ANKRD28: variants seen among roughly 807,000 people sequenced by gnomAD.
The protein encoded by ANKRD28 is ankyrin repeat domain 28.
ANKRD28 carries 44 observed loss-of-function variants against 126.5 expected under a neutral mutation model. That is an observed-to-expected ratio of 0.35 (90% CI 0.27 to 0.45). ANKRD28 has a LOEUF of 0.45. Among genes scored for constraint, ANKRD28 ranks in the 20% least tolerant of loss-of-function variants. The pLI is 1.00. For synonymous variants in ANKRD28, 442 were observed against 468.5 expected (o/e 0.94, Z 0.73); for missense variants, 1,110 against 1,316.6 (o/e 0.84, Z 2.43).
At chr3:15,758,174 C>A (rs745612600) in intron 3 of ANKRD28, among the ~76,000 whole-genome samples, 9 of 152,192 alleles carry the variant, frequency 5.9e-5, no homozygotes, top group Non-Finnish European at 1.0e-4. Flanking sequence ...TTCTTCCTTG[C>A]TCCTAAATCA....
intron 1 of ANKRD28, among the ~76,000 whole-genome samples, chr3:15,822,090 G>A (rs539950141): frequency 1.3e-3 from 195 of 152,282 alleles, no homozygotes; most frequent in African/African-American, 4.1e-3. Flanking sequence ...AAACCTAGAG[G>A]CCACATGCGT....
intron 14 of ANKRD28, among the ~76,000 whole-genome samples, chr3:15,705,658 A>C (rs2071252303): frequency 6.6e-6 from 1 of 152,204 alleles, no homozygotes; most frequent in African/African-American, 2.4e-5. Context: ...CTATCTAAAA[A>C]CATACTTTAT....
At chr3:15,700,892 C>T (rs2070486177) in intron 14 of ANKRD28, among the ~76,000 whole-genome samples, 1 of 152,176 alleles carries the variant, frequency 6.6e-6, no homozygotes, top group South Asian at 2.1e-4. Flanking sequence ...GAAATAGCCT[C>T]TGTTTATTCA....
chr3:15,709,900 A>G (rs9861740), intron 12 of ANKRD28, among the ~76,000 whole-genome samples, 164 bp from the exon 13 acceptor site: 6,339 of 152,284 alleles, frequency 0.042, 428 homozygotes, highest in African/African-American at 0.14. Flanking sequence ...CATCTTATCT[A>G]GAATTTAGAA....
rs12493140 is a variant in ANKRD28, at chr3:15,816,083, G to A, written c.28-20777C>T. 0.14 allele frequency among the ~76,000 whole-genome samples: 20,870 copies of A among 152,114 alleles called. 2,159 individuals carry two copies. The highest frequency in any genetic ancestry group is 0.58 in the East Asian group (3,008 of 5,170). ...ATCACGAGCGTATTTCTGACTGATT[G>A]AAAACCGCCTTCTGTTACTATGGCA... is the stretch of plus-strand genomic sequence containing the variant. On this transcript the variant is annotated intron_variant, in intron 1 of 27. Transcript: ENST00000399451. The surrounding 1 kb of genome is among the most constrained non-coding windows in gnomAD (Gnocchi z 5.0).
At chr3:15,692,144 T>TAAAAA (rs908039642) in intron 17 of ANKRD28, among the ~76,000 whole-genome samples, 89 of 96,226 alleles carry the variant, frequency 9.2e-4, no homozygotes, top group Admixed American at 1.8e-3. Context: ...TATCTCTAAA[T>TAAAAA]AAAAAAAAAA....
intron 3 of ANKRD28, among the ~76,000 whole-genome samples, chr3:15,760,661 A>G (rs1415035091): frequency 6.6e-6 from 1 of 152,226 alleles, no homozygotes; most frequent in Admixed American, 6.5e-5. Flanking sequence ...GGAGACCTCA[A>G]AGAAAAGTTA....
intron 7 of ANKRD28, among the ~76,000 whole-genome samples, chr3:15,724,133 G>A (rs983050867): frequency 2.6e-5 from 4 of 152,292 alleles, no homozygotes; most frequent in Admixed American, 1.3e-4. Flanking sequence ...GGCCTGGAAC[G>A]TGATATAGAA....
rs958482921 is a variant in ANKRD28, at chr3:15,692,929, A to G, written c.1761+1810T>C. Among the ~76,000 whole-genome samples the G allele has an allele frequency of 4.6e-5, 7 of 152,196 alleles. 1 individual carries two copies. The highest frequency in any genetic ancestry group is 3.9e-4 in the Admixed American group (6 of 15,276). ...ATACATAACAATAATTATTCAGCTT[A>G]AAAATAAGGAAATTCAGCCACATGC... On this transcript the variant is annotated intron_variant, in intron 17 of 27. Coordinates refer to ENST00000683139, the MANE Select transcript of ANKRD28 (RefSeq NM_001349278.2).
At chr3:15,714,007 T>C (rs1575332881) in intron 9 of ANKRD28, among the ~76,000 whole-genome samples, 3 of 152,154 alleles carry the variant, frequency 2.0e-5, no homozygotes, top group South Asian at 2.1e-4. Context: ...TCAAAAAATA[T>C]TGGATCATGA....
At position 15,696,489 on chromosome 3, in the gene ANKRD28, C is replaced by CT. The variant is rs1050644306; in HGVS notation, c.1548-245dup. 4.6e-5 allele frequency among the ~76,000 whole-genome samples: 7 copies of CT among 151,292 alleles called. No individual in the cohort carries two copies. The East Asian group carries it at 5.8e-4, about 13-fold the overall frequency. Reference sequence around the variant, plus strand: ...GATACCTCAAAAGTCTGTCAGACAGCTTTTTTTTTCATATGTGAAGGCTAT... The same window carrying CT: ...GATACCTCAAAAGTCTGTCAGACAGCTTTTTTTTTTCATATGTGAAGGCTAT... On this transcript the variant is annotated intron_variant, in intron 14 of 27. Coordinates refer to ENST00000683139, the MANE Select transcript of ANKRD28 (RefSeq NM_001349278.2).
intron 17 of ANKRD28, among the ~76,000 whole-genome samples, chr3:15,691,117 G>A (rs1450752661): frequency 6.6e-6 from 1 of 151,328 alleles, no homozygotes; most frequent in Admixed American, 6.6e-5. Context: ...TTGTCAGACT[G>A]AAGTTGTCTT....
At position 15,737,218 on chromosome 3, in the gene ANKRD28, G is replaced by C. The variant is rs1335039910; in HGVS notation, c.367C>G (p.Leu123Val). Residue 123 changes from leucine to valine, a missense_variant, in exon 5 of 28, where the codon CTT becomes GTT. Transcript: ENST00000683139. The part of the protein sequence containing the change: ...ASCSEEAVQV[L>V]LKHSADVNAR... ...TTAACATCTGCAGAATGCTTCAAAA[G>C]TACCTGAACTGCTTCCTAAAACATA... The C allele has an allele frequency of 1.2e-6, 2 of 1,613,694 alleles. No homozygotes were observed. Among genetic ancestry groups the C allele is most frequent in the African/African-American group, 2.7e-5 (2 of 75,038 alleles).
At chr3:15,741,044 CA>C (rs1216329903) in intron 4 of ANKRD28, among the ~76,000 whole-genome samples, 3 of 152,040 alleles carry the variant, frequency 2.0e-5, no homozygotes, top group African/African-American at 7.3e-5. Flanking sequence ...ACTAAATATA[CA>C]AAAATTAGCC....
At chr3:15,777,152 T>C (rs544256148) in intron 2 of ANKRD28, among the ~76,000 whole-genome samples, 1 of 151,684 alleles carries the variant, frequency 6.6e-6, no homozygotes, top group East Asian at 1.9e-4. Flanking sequence ...TGGGCATCTG[T>C]AGCCCCAGCT....
At chr3:15,852,800 T>G (rs2061681209) in intron 1 of ANKRD28, among the ~76,000 whole-genome samples, 1 of 121,532 alleles carries the variant, frequency 8.2e-6, no homozygotes, top group African/African-American at 3.2e-5. Flanking sequence ...GCCACTGCAC[T>G]CCAGCCTGGG....
intron 1 of ANKRD28, among the ~76,000 whole-genome samples, chr3:15,849,637 A>G (rs2061596481): frequency 1.3e-5 from 2 of 152,162 alleles, no homozygotes; most frequent in African/African-American, 4.8e-5. Flanking sequence ...AATGGACCTG[A>G]ATAAATATTC....
At chr3:15,766,151 GTAAA>G in intron 3 of ANKRD28, 79 bp downstream of exon 3, 2 of 1,075,038 alleles carry the variant, frequency 1.9e-6, no homozygotes, top group South Asian at 1.5e-5. Flanking sequence ...AGGCCATGCA[GTAAA>G]TAGTCAATTA....
chr3:15,717,190 C>T (rs1346551392), intron 8 of ANKRD28, among the ~76,000 whole-genome samples: 1 of 152,060 alleles, frequency 6.6e-6, no homozygotes, highest in Non-Finnish European at 1.5e-5. Flanking sequence ...ATTGCTCAGA[C>T]TAGACTTGAA....
Sources: allele counts gnomAD v4.1 joint callset (sites outside exome capture counted in the v4.1 genomes callset), GRCh38; gene constraint gnomAD v4.1.1; non-coding constraint Gnocchi (gnomAD v3.1); transcripts MANE v1.5; gene names NCBI Gene and HGNC (gene_info 2026-07-23, HGNC 2026-07-21).